ST6GAL1: variants seen among roughly 807,000 people sequenced by gnomAD.
The protein encoded by ST6GAL1 is ST6 beta-galactoside alpha-2,6-sialyltransferase 1.
ST6GAL1 carries 20 observed loss-of-function variants against 38.0 expected under a neutral mutation model. The ratio of observed to expected loss-of-function variants is 0.53; its 90% confidence interval spans 0.37 to 0.77. ST6GAL1 has a LOEUF of 0.77. ST6GAL1 is among the 30% of genes least tolerant of loss of function. The probability of loss-of-function intolerance (pLI) is 0.00; values close to 1 mark genes in which losing one functional copy is unlikely to be tolerated. For synonymous variants in ST6GAL1, 196 were observed against 188.2 expected (o/e 1.04, Z -0.34); for missense variants, 432 against 496.4 (o/e 0.87, Z 1.23).
At chr3:186,937,598 T>G (rs923828515) in intron 1 of ST6GAL1, among the ~76,000 whole-genome samples, 3 of 152,100 alleles carry the variant, frequency 2.0e-5, no homozygotes, top group African/African-American at 7.2e-5. Context: ...GCTTAGTTTT[T>G]TAGAAGCTCA....
At chr3:186,989,769 TTTACTATTTGAAAAATAGCAGAA>T (rs1230287676) in intron 2 of ST6GAL1, among the ~76,000 whole-genome samples, 3 of 152,218 alleles carry the variant, frequency 2.0e-5, no homozygotes, top group African/African-American at 7.2e-5. Context: ...CCAGGTAGCA[TTTACTATTTGAAAAATAGCAGAA>T]TAACTGAGGG....
At chr3:186,931,131 A>C (rs2108510587) in intron 1 of ST6GAL1, 1 of 141,174 alleles carries the variant, frequency 7.1e-6, no homozygotes, top group Middle Eastern at 3.8e-3. Flanking sequence ...GGATTTCTCC[A>C]CGGCACCGTC....
intron 2 of ST6GAL1, among the ~76,000 whole-genome samples, chr3:186,975,436 T>G (rs1216955682): frequency 6.6e-6 from 1 of 152,126 alleles, no homozygotes; most frequent in Admixed American, 6.5e-5. Flanking sequence ...GACAGGGGCA[T>G]TGAGGCAAGG....
In ST6GAL1 at chr3:186,931,467, G is replaced by A. The variant is rs559368398; in HGVS notation, c.-325+633G>A. 5.9e-5 allele frequency: 9 copies of A among 152,470 alleles called. No individual in the cohort carries two copies. In the East Asian group the frequency reaches 1.4e-3, roughly 23 times the overall value. The allele number at this position is 152,470 out of a possible 1,614,324, so 9.4% of individuals were successfully genotyped here. A position where few individuals can be genotyped will look rare whatever the true frequency, so the allele number is the denominator to read the frequency against. On this transcript the variant is annotated intron_variant, in intron 1 of 7. Coordinates refer to ENST00000169298, the MANE Select transcript of ST6GAL1 (RefSeq NM_173216.2). Reference sequence around the variant, plus strand: ...CAAAACAAGAAAGCAGCTACAAAAAGGTTACTCCAGGCTGAGTCGGTCCCC... The same window carrying A: ...CAAAACAAGAAAGCAGCTACAAAAAAGTTACTCCAGGCTGAGTCGGTCCCC...
At chr3:186,937,061 C>T (rs569644607) in intron 1 of ST6GAL1, among the ~76,000 whole-genome samples, 4 of 150,446 alleles carry the variant, frequency 2.7e-5, no homozygotes, top group African/African-American at 9.7e-5. Flanking sequence ...CCCCTCTTAA[C>T]AGTTGGCAAT....
chr3:186,999,080 A>C (rs572223091), intron 2 of ST6GAL1, among the ~76,000 whole-genome samples: 3 of 152,286 alleles, frequency 2.0e-5, no homozygotes, highest in Admixed American at 6.5e-5. Flanking sequence ...GGGGTATCTT[A>C]TTTCCAAACC....
At chr3:187,010,531 T>G (rs4686829) in intron 2 of ST6GAL1, among the ~76,000 whole-genome samples, 125,048 of 151,968 alleles carry the variant, frequency 0.82, 51,579 homozygotes, top group Admixed American at 0.87. Flanking sequence ...TGCCCAACCT[T>G]GTTTTTACTA....
intron 2 of ST6GAL1, among the ~76,000 whole-genome samples, chr3:187,022,395 C>A (rs971860521): frequency 2.6e-5 from 4 of 152,114 alleles, no homozygotes; most frequent in Admixed American, 6.5e-5. Flanking sequence ...AGGGGCCTTA[C>A]AAGTCTTAAG....
rs966480760 is a variant in ST6GAL1 at position 187,001,688 on chromosome 3, T to C, written c.-182-37054T>C. ...AAAACAAACAAACGGCCGGGCTCAG[T>C]GGCTCACTCCTGTAATCTCAGCACT... is the stretch of plus-strand genomic sequence containing the variant. On this transcript the variant is annotated intron_variant, in intron 2 of 7. Coordinates refer to ENST00000169298, the MANE Select transcript of ST6GAL1 (RefSeq NM_173216.2). 3.3e-5 allele frequency among the ~76,000 whole-genome samples: 5 copies of C among 152,170 alleles called. No homozygotes were observed. The South Asian group carries it at 1.0e-3, about 32-fold the overall frequency.
At position 187,075,544 on chromosome 3, in the gene ST6GAL1, C is replaced by T; in HGVS notation, c.980-18C>T. 3 of 1,612,650 alleles carry T rather than the reference C, an allele frequency of 1.9e-6. No homozygotes were observed. Among genetic ancestry groups the T allele is most frequent in the Non-Finnish European group, 1.7e-6 (2 of 1,178,862 alleles). The stretch of plus-strand genomic sequence containing the variant: ...GGGTGGGTTGTCAGGCATGACTCAC[C>T]TCTGCTCCCCTCTCCAGGTATCATC... On this transcript the variant is annotated intron_variant, in intron 7 of 7. Coordinates refer to ENST00000169298, the MANE Select transcript of ST6GAL1 (RefSeq NM_173216.2). The surrounding 1 kb of genome is among the most constrained non-coding windows in gnomAD (Gnocchi z 4.1).
intron 2 of ST6GAL1, among the ~76,000 whole-genome samples, chr3:186,981,256 A>G (rs986663135): frequency 2.0e-5 from 3 of 152,184 alleles, no homozygotes; most frequent in Non-Finnish European, 4.4e-5. Context: ...AAGGCTAAGA[A>G]AATATATTTT....
chr3:186,989,572 G>GA (rs1716080499), intron 2 of ST6GAL1, among the ~76,000 whole-genome samples: 1 of 152,184 alleles, frequency 6.6e-6, no homozygotes, highest in Non-Finnish European at 1.5e-5. Context: ...CACAGAGCAT[G>GA]AAGCCCTATG....
At position 187,043,420 on chromosome 3, in the gene ST6GAL1, G is replaced by A. The variant is rs76562630; in HGVS notation, c.607+110G>A. 3,041 of 1,460,982 alleles carry A rather than the reference G, an allele frequency of 2.1e-3. 43 individuals are homozygous for A. The African/African-American group carries it at 0.038, about 18-fold the overall frequency. The allele number at this position is 1,460,982 out of a possible 1,614,324, so 90.5% of individuals were successfully genotyped here. On this transcript the variant is annotated intron_variant, in intron 4 of 7. Transcript: ENST00000169298. Reference sequence around the variant, plus strand: ...GTGTGGCTCAGCGGACCAGTGGAGTGGGCCCAGGGCAGTGTTTTTTTCAGA... The same window carrying A: ...GTGTGGCTCAGCGGACCAGTGGAGTAGGCCCAGGGCAGTGTTTTTTTCAGA...
intron 5 of ST6GAL1, among the ~76,000 whole-genome samples, chr3:187,063,825 G>A (rs1560182207): frequency 6.6e-6 from 1 of 152,186 alleles, no homozygotes; most frequent in African/African-American, 2.4e-5. Context: ...CTGTGTGAGT[G>A]ACTTCAGCAA....
At chr3:186,951,349 G>A (rs773021464) in intron 1 of ST6GAL1, among the ~76,000 whole-genome samples, 25 of 152,270 alleles carry the variant, frequency 1.6e-4, no homozygotes, top group African/African-American at 4.1e-4. Context: ...GAGCCACTGC[G>A]CCAGGCCGTA....
chr3:187,067,824 C>T (rs944620918), intron 5 of ST6GAL1, among the ~76,000 whole-genome samples: 1 of 152,154 alleles, frequency 6.6e-6, no homozygotes, highest in African/African-American at 2.4e-5. Context: ...TAGCCTTAGA[C>T]AATTCTCTTG....
chr3:186,931,801 G>A (rs1312821271), intron 1 of ST6GAL1, among the ~76,000 whole-genome samples: 1 of 152,230 alleles, frequency 6.6e-6, no homozygotes, highest in Admixed American at 6.5e-5. Context: ...ATTTTCGCAA[G>A]CAAGGCCAGC....
intron 2 of ST6GAL1, chr3:187,006,097 T>G (rs530036464): frequency 6.6e-6 from 1 of 152,354 alleles, no homozygotes; most frequent in South Asian, 2.1e-4. Flanking sequence ...AAGTCACTAG[T>G]CTTCTGGGAC....
At position 186,987,529 on chromosome 3, in the gene ST6GAL1, T is replaced by G. The variant is rs549888291; in HGVS notation, c.-183+23603T>G. Among the ~76,000 whole-genome samples, 6 of 152,312 alleles carry G rather than the reference T, an allele frequency of 3.9e-5. No individual in the cohort carries two copies. In the South Asian group the frequency reaches 1.2e-3, roughly 32 times the overall value. ...AGATTCCCCAGCACCCAGCATAGTGTCTTATTCTTAGGAGAATTTGAGAAA... is the reference window on the plus strand; with the variant it reads ...AGATTCCCCAGCACCCAGCATAGTGGCTTATTCTTAGGAGAATTTGAGAAA... On this transcript the variant is annotated intron_variant, in intron 2 of 7. Transcript: ENST00000169298.
Sources: gnomAD v4.1 joint callset for allele counts (sites outside exome capture counted in the v4.1 genomes callset) on GRCh38, gnomAD v4.1.1 for gene constraint, Gnocchi (gnomAD v3.1) non-coding constraint, MANE v1.5 for transcripts, NCBI Gene and HGNC (gene_info 2026-07-23, HGNC 2026-07-21) for gene names.